GPHN: variants seen among roughly 807,000 people sequenced by gnomAD.
GPHN encodes gephyrin.
In GPHN, 17 loss-of-function variants were observed where a neutral mutation model predicts 95.5. The observed-to-expected ratio is 0.18, with a 90% confidence interval of 0.12 to 0.27. The LOEUF (loss-of-function observed/expected upper bound fraction) is 0.27. Ranked by LOEUF, GPHN falls within the 10% of genes least tolerant of loss-of-function variation. The pLI, the probability that GPHN is intolerant of heterozygous loss-of-function variation, is 1.00. For synonymous variants in GPHN, 320 were observed against 322.5 expected, an observed-to-expected ratio of 0.99 and a Z score of 0.08; for missense variants, 660 against 978.1, an observed-to-expected ratio of 0.67 and a Z score of 4.34.
the GPHN span, among the ~76,000 whole-genome samples, chr14:67,428,539 T>C: frequency 6.6e-6 from 1 of 152,234 alleles, no homozygotes; most frequent in East Asian, 1.9e-4. Context: ...TTAAGTACTT[T>C]GTCCAAGTCA....
chr14:67,581,182 C>A, the GPHN span: 2 of 621,418 alleles, frequency 3.2e-6, no homozygotes, highest in South Asian at 3.8e-5. Flanking sequence ...AGCTGGGGTG[C>A]AGGCGGGCTC....
intron 4 of GPHN, among the ~76,000 whole-genome samples, chr14:66,826,576 C>T (rs929042985): frequency 6.6e-5 from 10 of 152,250 alleles, no homozygotes; most frequent in Middle Eastern, 3.4e-3. Flanking sequence ...TCCCAAACCG[C>T]GTCCCCCACC....
the GPHN span, among the ~76,000 whole-genome samples, chr14:67,238,472 G>A: frequency 1.3e-5 from 2 of 151,902 alleles, no homozygotes; most frequent in Admixed American, 1.3e-4. Flanking sequence ...GTCTCCCCAT[G>A]TTGACCAGGC....
At chr14:66,989,205 T>A (rs748430754) in intron 9 of GPHN, among the ~76,000 whole-genome samples, 2 of 152,032 alleles carry the variant, frequency 1.3e-5, no homozygotes, top group Non-Finnish European at 2.9e-5. Context: ...TTGAAAACCA[T>A]CCATAATCAC....
At chr14:67,655,160 T>G in the GPHN span, among the ~76,000 whole-genome samples, 2 of 151,162 alleles carry the variant, frequency 1.3e-5, no homozygotes, top group Admixed American at 1.3e-4. Context: ...GGCAACATAA[T>G]GAGACCCCGT....
At chr14:67,586,296 C>T in the GPHN span, 3 of 1,137,272 alleles carry the variant, frequency 2.6e-6, no homozygotes, top group Admixed American at 1.9e-5. Context: ...GGTAAAGGGA[C>T]ATATTTGGAG....
chr14:67,226,252 C>T, the GPHN span, among the ~76,000 whole-genome samples: 2 of 152,258 alleles, frequency 1.3e-5, no homozygotes, highest in Non-Finnish European at 1.5e-5. Context: ...AGTGCAGTGG[C>T]GCAATCTTGG....
chr14:67,438,845 A>C, the GPHN span, among the ~76,000 whole-genome samples: 2 of 136,928 alleles, frequency 1.5e-5, no homozygotes, highest in Non-Finnish European at 3.1e-5. Context: ...TAGGCAACAG[A>C]GTGAGACTCC....
chr14:66,956,796 G>A (rs938331279), intron 8 of GPHN, among the ~76,000 whole-genome samples: 2 of 151,932 alleles, frequency 1.3e-5, no homozygotes, highest in Non-Finnish European at 2.9e-5. Context: ...AAAAAATGAT[G>A]AGTTCATGTC....
the GPHN span, among the ~76,000 whole-genome samples, chr14:67,565,548 C>A: frequency 6.6e-6 from 1 of 152,204 alleles, no homozygotes; most frequent in Non-Finnish European, 1.5e-5. Context: ...AAATGTAGTT[C>A]CAGCTGCTTT....
intron 8 of GPHN, among the ~76,000 whole-genome samples, chr14:66,952,881 A>G (rs998399285): frequency 6.6e-6 from 1 of 151,956 alleles, no homozygotes; most frequent in South Asian, 2.1e-4. Context: ...TTTTTAGTAG[A>G]GAAGGGGTTT....
At chr14:67,209,394 C>G in the GPHN span, among the ~76,000 whole-genome samples, 1 of 152,160 alleles carries the variant, frequency 6.6e-6, no homozygotes, top group Non-Finnish European at 1.5e-5. Context: ...GAGCAGAGAC[C>G]TGAGCAAGTG....
chr14:66,973,548 C>G (rs754834747), intron 9 of GPHN, among the ~76,000 whole-genome samples: 2 of 152,156 alleles, frequency 1.3e-5, no homozygotes, highest in Non-Finnish European at 2.9e-5. Context: ...CACCTGATGT[C>G]AGGATTTAAG....
At chr14:66,847,957 A>G (rs940691669) in intron 4 of GPHN, among the ~76,000 whole-genome samples, 3 of 152,008 alleles carry the variant, frequency 2.0e-5, no homozygotes, top group African/African-American at 7.2e-5. Context: ...ACTGGGGGAA[A>G]GTAAATTGCC....
At chr14:66,926,630 C>G (rs1373212113) in intron 8 of GPHN, among the ~76,000 whole-genome samples, 1 of 152,124 alleles carries the variant, frequency 6.6e-6, no homozygotes, top group Non-Finnish European at 1.5e-5. Context: ...TATGCCAGTA[C>G]CATGATGTAT....
At chr14:67,502,456 C>T in the GPHN span, among the ~76,000 whole-genome samples, 20 of 137,672 alleles carry the variant, frequency 1.5e-4, no homozygotes, top group East Asian at 6.5e-4. Context: ...AAGGTGATTT[C>T]TTTTTTTTTT....
At chr14:67,655,209 C>A in the GPHN span, among the ~76,000 whole-genome samples, 1 of 151,864 alleles carries the variant, frequency 6.6e-6, no homozygotes, top group Non-Finnish European at 1.5e-5. Context: ...GGCACAGTAG[C>A]ACATGCCTGT....
the GPHN span, among the ~76,000 whole-genome samples, chr14:67,584,841 T>C: frequency 6.6e-6 from 1 of 152,234 alleles, no homozygotes; most frequent in Non-Finnish European, 1.5e-5. Flanking sequence ...ATTTAATATA[T>C]ATTTATAAGC....
chr14:67,175,252 G>C (rs1228421989), intron 21 of GPHN, among the ~76,000 whole-genome samples: 1 of 152,148 alleles, frequency 6.6e-6, no homozygotes, highest in Non-Finnish European at 1.5e-5. Flanking sequence ...ATTAATTTTT[G>C]TATAAGGTGT....
Sources: gnomAD v4.1 joint callset for allele counts (sites outside exome capture counted in the v4.1 genomes callset) on GRCh38, gnomAD v4.1.1 for gene constraint, MANE v1.5 for transcripts, NCBI Gene and HGNC (gene_info 2026-07-23, HGNC 2026-07-21) for gene names.